The following EYA1 variants were observed in gnomAD, a reference collection of about 807,000 sequenced individuals.
EYA1 encodes EYA transcriptional coactivator and phosphatase 1, also known as protein phosphatase EYA1.
EYA1 carries 16 observed loss-of-function variants against 82.0 expected under a neutral mutation model. That is an observed-to-expected ratio of 0.20 (90% confidence interval 0.13 to 0.30). The LOEUF (loss-of-function observed/expected upper bound fraction) is 0.30, where lower values mean the gene tolerates loss of function less well. Among genes scored for constraint, EYA1 ranks in the 10% least tolerant of loss-of-function variants. The pLI is 1.00. For missense variants in EYA1, 633 were observed against 730.7 expected, an observed-to-expected ratio of 0.87 and a Z score of 1.54; for synonymous variants, 261 against 264.4, an observed-to-expected ratio of 0.99 and a Z score of 0.12.
intron 11 of EYA1, among the ~76,000 whole-genome samples, chr8:71,257,091 G>T (rs1398909902): frequency 1.3e-5 from 2 of 151,922 alleles, no homozygotes; most frequent in Non-Finnish European, 2.9e-5. Context: ...TCACTAGATG[G>T]CTAAGGTGCT....
chr8:71,198,432 A>T lies in EYA1; in HGVS notation c.*908T>A, dbSNP rs762732793. The T allele has an allele frequency of 2.6e-5, 4 of 152,446 alleles. No homozygotes were observed. The highest frequency in any genetic ancestry group is 5.9e-5 in the Non-Finnish European group (4 of 68,010). The allele number at this position is 152,446 out of a possible 1,614,324, so 9.4% of individuals were successfully genotyped here. A position where few individuals can be genotyped will look rare whatever the true frequency, so the allele number is the denominator to read the frequency against. ...CATCCATGCTTTTGGTCTTGACAAC[A>T]TTATCTAAAAAAAAAAAATCCATTA... On this transcript the variant is annotated 3_prime_UTR_variant, in exon 18 of 18. Transcript: ENST00000340726.
chr8:71,255,021 A>T (rs1471052721), intron 11 of EYA1, among the ~76,000 whole-genome samples: 1 of 152,200 alleles, frequency 6.6e-6, no homozygotes, highest in Non-Finnish European at 1.5e-5. Context: ...GAAATCAAAT[A>T]CTTAGGAATA....
chr8:71,205,270 A>G (rs6472570), intron 17 of EYA1, among the ~76,000 whole-genome samples: 70,820 of 151,974 alleles, frequency 0.47, 18,935 homozygotes, highest in East Asian at 0.77. Context: ...TAATTTATTA[A>G]CAAGGCCACT....
intron 2 of EYA1, among the ~76,000 whole-genome samples, chr8:71,534,712 T>C (rs550771085): frequency 5.9e-5 from 9 of 151,846 alleles, no homozygotes; most frequent in Admixed American, 6.6e-5. Context: ...TGAGAACACA[T>C]GGACACAGGG....
intron 9 of EYA1, among the ~76,000 whole-genome samples, chr8:71,298,197 A>C (rs191025020): frequency 1.3e-5 from 2 of 152,276 alleles, no homozygotes; most frequent in East Asian, 3.9e-4. Flanking sequence ...TAATTTTTTC[A>C]ATGTTAAGAC....
intron 2 of EYA1, chr8:71,403,745 A>C (rs1830075869): frequency 6.6e-6 from 1 of 152,210 alleles, no homozygotes; most frequent in South Asian, 2.1e-4. Flanking sequence ...AACAAGCTGC[A>C]GAGTGATATG....
At chr8:71,421,824 G>T (rs1586685365) in intron 2 of EYA1, among the ~76,000 whole-genome samples, 1 of 152,194 alleles carries the variant, frequency 6.6e-6, no homozygotes, top group African/African-American at 2.4e-5. Flanking sequence ...CTAAGCAGCT[G>T]CTGCCACTGC....
chr8:71,546,668 A>G (rs1815621943), intron 1 of EYA1, among the ~76,000 whole-genome samples: 1 of 151,866 alleles, frequency 6.6e-6, no homozygotes, highest in Non-Finnish European at 1.5e-5. Context: ...CGCCTGGCTA[A>G]TTTTTGTGTA....
chr8:71,509,770 A>C (rs1812458813), intron 2 of EYA1, among the ~76,000 whole-genome samples: 1 of 152,176 alleles, frequency 6.6e-6, no homozygotes, highest in South Asian at 2.1e-4. Context: ...TATTTAGAAA[A>C]GGTTTAAATG....
At chr8:71,432,554 C>A (rs1393014641) in intron 2 of EYA1, among the ~76,000 whole-genome samples, 2 of 152,156 alleles carry the variant, frequency 1.3e-5, no homozygotes, top group African/African-American at 4.8e-5. Context: ...CAGATGGTCG[C>A]CTTCCCCATG....
intron 3 of EYA1, among the ~76,000 whole-genome samples, chr8:71,347,670 A>G (rs1427517140): frequency 2.6e-5 from 4 of 152,122 alleles, no homozygotes; most frequent in Admixed American, 2.0e-4. Context: ...CATATTCTTT[A>G]TTTTGACAAA....
At chr8:71,480,750 C>T (rs77154849) in intron 2 of EYA1, among the ~76,000 whole-genome samples, 1,926 of 151,760 alleles carry the variant, frequency 0.013, 41 homozygotes, top group African/African-American at 0.044. Flanking sequence ...AGATAGTTTA[C>T]GTTTCCATTT....
chr8:71,248,946 T>C (rs528018164), intron 11 of EYA1, among the ~76,000 whole-genome samples: 1 of 152,230 alleles, frequency 6.6e-6, no homozygotes, highest in Non-Finnish European at 1.5e-5. Flanking sequence ...TAGTTTAATC[T>C]TACTATTTTT....
At chr8:71,232,613 A>G (rs1432128578) in intron 12 of EYA1, among the ~76,000 whole-genome samples, 1 of 152,120 alleles carries the variant, frequency 6.6e-6, no homozygotes, top group Non-Finnish European at 1.5e-5. Flanking sequence ...GATGGACCCA[A>G]AGAAGTATTC....
At chr8:71,537,728 A>G (rs907138407) in intron 1 of EYA1, among the ~76,000 whole-genome samples, 4 of 152,156 alleles carry the variant, frequency 2.6e-5, no homozygotes, top group Admixed American at 2.0e-4. Flanking sequence ...GTTTCAATCA[A>G]AATCTGTATA....
At chr8:71,214,796 CTG>C (rs1808972044) in intron 16 of EYA1, among the ~76,000 whole-genome samples, 1 of 152,182 alleles carries the variant, frequency 6.6e-6, no homozygotes. Flanking sequence ...TGTCATGTAA[CTG>C]TCTGCTTCCC....
intron 2 of EYA1, among the ~76,000 whole-genome samples, chr8:71,445,511 T>C (rs1199895825): frequency 6.6e-6 from 1 of 152,222 alleles, no homozygotes; most frequent in Non-Finnish European, 1.5e-5. Flanking sequence ...AATAGGAATG[T>C]AAGCAATAGG....
intron 17 of EYA1, among the ~76,000 whole-genome samples, chr8:71,209,320 C>G (rs1039626068): frequency 6.6e-6 from 1 of 152,192 alleles, no homozygotes; most frequent in African/African-American, 2.4e-5. Flanking sequence ...AGAGAGGTAA[C>G]AGAGGCACCC....
intron 2 of EYA1, among the ~76,000 whole-genome samples, chr8:71,401,426 C>T (rs1829951090): frequency 6.6e-6 from 1 of 152,110 alleles, no homozygotes; most frequent in African/African-American, 2.4e-5. Context: ...CTGCTGTTTA[C>T]TTTGTTAGTT....
Sources: gnomAD v4.1 joint callset for allele counts (sites outside exome capture counted in the v4.1 genomes callset) on GRCh38, gnomAD v4.1.1 for gene constraint, MANE v1.5 for transcripts, NCBI Gene and HGNC (gene_info 2026-07-23, HGNC 2026-07-21) for gene names.